Variants in ZFHX3 observed in about 807,000 individuals in gnomAD.
ZFHX3 encodes the protein zinc finger homeobox 3.
ZFHX3 carries 42 observed loss-of-function variants against 279.1 expected under a neutral mutation model. The ratio of observed to expected loss-of-function variants is 0.15; its 90% confidence interval spans 0.12 to 0.19. ZFHX3 has a LOEUF of 0.19. Among genes scored for constraint, ZFHX3 ranks in the 10% least tolerant of loss-of-function variants. The probability of loss-of-function intolerance (pLI) is 1.00; values close to 1 mark genes in which losing one functional copy is unlikely to be tolerated. For synonymous variants in ZFHX3, 2,293 were observed against 1,957.8 expected (o/e 1.17, Z -4.52); for missense variants, 4,981 against 4,754.0 (o/e 1.05, Z -1.40).
At chr16:72,973,191 C>A (rs1377106900) in intron 1 of ZFHX3, among the ~76,000 whole-genome samples, 1 of 152,236 alleles carries the variant, frequency 6.6e-6, no homozygotes, top group East Asian at 1.9e-4. Context: ...CCAAAGGACA[C>A]TGCCCCCTCA....
At chr16:73,567,819 C>G (rs1043894435) in intron 2 of ZFHX3, among the ~76,000 whole-genome samples, 14 of 152,130 alleles carry the variant, frequency 9.2e-5, no homozygotes, top group Admixed American at 5.9e-4. Context: ...CAATAACGAG[C>G]CTTGAACAGA....
chr16:73,159,088 T>C (rs1967165774), intron 5 of ZFHX3, among the ~76,000 whole-genome samples: 1 of 152,170 alleles, frequency 6.6e-6, no homozygotes, highest in Non-Finnish European at 1.5e-5. Context: ...TGAGATCTAA[T>C]TGAACTAAAG....
At chr16:72,933,644 C>G (rs1017762944) in intron 3 of ZFHX3, among the ~76,000 whole-genome samples, 3 of 152,136 alleles carry the variant, frequency 2.0e-5, no homozygotes, top group African/African-American at 7.2e-5. Context: ...CACCCCTCCC[C>G]CTACTCCAGC....
chr16:73,251,901 ACACACACACAC>A (rs999594966), intron 5 of ZFHX3, among the ~76,000 whole-genome samples: 4 of 122,572 alleles, frequency 3.3e-5, no homozygotes, highest in East Asian at 4.2e-4. Flanking sequence ...CACACCATGC[ACACACACACAC>A]CACACACACA....
chr16:72,811,843 T>G, intron 6 of ZFHX3, 62 bp downstream of exon 6: 1 of 1,601,606 alleles, frequency 6.2e-7, no homozygotes, highest in South Asian at 1.1e-5. Flanking sequence ...CCCAAAAGTT[T>G]GTTCCCTACC....
intron 2 of ZFHX3, among the ~76,000 whole-genome samples, chr16:73,587,481 A>G (rs548970190): frequency 6.6e-6 from 1 of 152,368 alleles, no homozygotes; most frequent in South Asian, 2.1e-4. Context: ...GCATTTAAGC[A>G]ACAGAAATTG....
At chr16:73,779,095 G>A (rs1403700984) in intron 1 of ZFHX3, among the ~76,000 whole-genome samples, 1 of 152,216 alleles carries the variant, frequency 6.6e-6, no homozygotes, top group African/African-American at 2.4e-5. Flanking sequence ...TGGCTCCAGA[G>A]TGGCACACAG....
chr16:73,846,816 A>G (rs189402080), intron 1 of ZFHX3, among the ~76,000 whole-genome samples: 3 of 152,332 alleles, frequency 2.0e-5, no homozygotes, highest in East Asian at 3.9e-4. Flanking sequence ...AAATGTAGCC[A>G]TGAAGAATAA....
At chr16:73,264,676 C>A (rs2013918609) in intron 4 of ZFHX3, among the ~76,000 whole-genome samples, 1 of 151,772 alleles carries the variant, frequency 6.6e-6, no homozygotes. Flanking sequence ...TTCAGTGCAC[C>A]CATCACTCAA....
chr16:73,319,408 A>T (rs1023111601), intron 3 of ZFHX3, among the ~76,000 whole-genome samples: 31 of 152,090 alleles, frequency 2.0e-4, no homozygotes, highest in African/African-American at 7.0e-4. Flanking sequence ...GGGAAGGAGA[A>T]TCCACATCTT....
intron 1 of ZFHX3, among the ~76,000 whole-genome samples, chr16:73,021,827 T>C (rs1469049296): frequency 4.5e-5 from 2 of 44,914 alleles, no homozygotes; most frequent in East Asian, 6.0e-4. Flanking sequence ...CGAGACTCCA[T>C]CTCAAAAAAA....
At chr16:73,872,194 A>G (rs1480653980) in intron 1 of ZFHX3, among the ~76,000 whole-genome samples, 2 of 152,058 alleles carry the variant, frequency 1.3e-5, no homozygotes, top group African/African-American at 2.4e-5. Context: ...TTATTCTCCA[A>G]TATGGCTGCT....
chr16:73,782,229 G>C (rs78239929), intron 1 of ZFHX3, among the ~76,000 whole-genome samples: 2,025 of 152,278 alleles, frequency 0.013, 44 homozygotes, highest in African/African-American at 0.046. Context: ...GATAAAGCTT[G>C]AGCCTCTGTT....
chr16:73,224,433 G>T (rs1372576970), intron 5 of ZFHX3, among the ~76,000 whole-genome samples: 1 of 152,152 alleles, frequency 6.6e-6, no homozygotes, highest in African/African-American at 2.4e-5. Context: ...ATATTATGTG[G>T]TTATATTTCT....
intron 1 of ZFHX3, among the ~76,000 whole-genome samples, chr16:73,766,690 C>T (rs1326275879): frequency 1.3e-5 from 2 of 152,174 alleles, no homozygotes; most frequent in Non-Finnish European, 2.9e-5. Context: ...ACATAACAGT[C>T]AGTCCAGCTG....
intron 8 of ZFHX3, among the ~76,000 whole-genome samples, chr16:73,076,568 G>A (rs1965888318): frequency 6.6e-6 from 1 of 152,192 alleles, no homozygotes; most frequent in Non-Finnish European, 1.5e-5. Flanking sequence ...TGTAAATCCA[G>A]GGACTCATCA....
intron 2 of ZFHX3, among the ~76,000 whole-genome samples, chr16:73,570,432 T>G: frequency 6.6e-6 from 1 of 152,200 alleles, no homozygotes; most frequent in East Asian, 1.9e-4. Context: ...GCTTTTCTGA[T>G]TCCTTCCTAG....
chr16:73,588,702 C>CA (rs35658515), intron 2 of ZFHX3, among the ~76,000 whole-genome samples: 3,027 of 56,020 alleles, frequency 0.054, 64 homozygotes, highest in African/African-American at 0.15. Flanking sequence ...AAACAAAAAA[C>CA]AAAACAAAAA....
chr16:72,933,319 CAG>C (rs1230654812), intron 3 of ZFHX3, among the ~76,000 whole-genome samples: 2 of 152,130 alleles, frequency 1.3e-5, no homozygotes, highest in African/African-American at 2.4e-5. Context: ...ACTACTCTCC[CAG>C]AGGAGTAGGA....
Sources: gnomAD v4.1 joint callset for allele counts (sites outside exome capture counted in the v4.1 genomes callset) on GRCh38, gnomAD v4.1.1 for gene constraint, MANE v1.5 for transcripts, NCBI Gene and HGNC (gene_info 2026-07-23, HGNC 2026-07-21) for gene names.